The following PSTPIP1 variants were observed in gnomAD, a reference collection of about 807,000 sequenced individuals.
PSTPIP1 encodes proline-serine-threonine phosphatase-interacting protein 1.
Under a neutral mutation model 69.6 loss-of-function variants are expected in PSTPIP1, and 66 were observed. The ratio of observed to expected loss-of-function variants is 0.95; its 90% confidence interval spans 0.78 to 1.16. PSTPIP1 has a LOEUF of 1.16. Ranked by LOEUF, PSTPIP1 falls within the 50% of genes most tolerant of loss-of-function variation. The pLI is 0.00. For synonymous variants in PSTPIP1, 266 were observed against 222.7 expected (o/e 1.19, Z -1.73); for missense variants, 603 against 557.4 (o/e 1.08, Z -0.82).
chr15:77,034,759 T>A (rs2076513729), intron 12 of PSTPIP1, among the ~76,000 whole-genome samples: 2 of 152,236 alleles, frequency 1.3e-5, no homozygotes, highest in Non-Finnish European at 2.9e-5. Context: ...TTGGAGGCAG[T>A]GTCAGCCTCT....
At chr15:77,011,791 G>A (rs2075938817) in intron 1 of PSTPIP1, among the ~76,000 whole-genome samples, 1 of 152,140 alleles carries the variant, frequency 6.6e-6, no homozygotes, top group Non-Finnish European at 1.5e-5. Flanking sequence ...CCTGCTTACA[G>A]ACTGTAGTGA....
rs941971084 is a variant in PSTPIP1, at chr15:77,037,360, T to C, written c.*184T>C. 27 of 740,250 alleles carry C rather than the reference T, an allele frequency of 3.6e-5. No individual in the cohort carries two copies. Among genetic ancestry groups the C allele is most frequent in the African/African-American group, 3.4e-4 (19 of 55,694 alleles). 45.9% of individuals were successfully genotyped at this position (740,250 alleles called of 1,614,324 possible). Reference sequence around the variant, plus strand: ...TGGTGTGCTGGGGTCCCGTTCTCTTTTTCTCCTGCTCCAGTGTCCGAGTGC... The same window carrying C: ...TGGTGTGCTGGGGTCCCGTTCTCTTCTTCTCCTGCTCCAGTGTCCGAGTGC... On this transcript the variant is annotated 3_prime_UTR_variant, in exon 15 of 15. Transcript: ENST00000558012.
intron 3 of PSTPIP1, chr15:77,023,446 G>C (rs1367895680): frequency 1.3e-5 from 2 of 152,772 alleles, no homozygotes; most frequent in African/African-American, 2.4e-5. Flanking sequence ...GTGCGGCAGG[G>C]GCTGCAGCGG....
At chr15:77,025,677 C>T in intron 5 of PSTPIP1, 73 bp downstream of exon 5, 1 of 1,197,160 alleles carries the variant, frequency 8.4e-7, no homozygotes, top group South Asian at 1.4e-5. Context: ...GGGTAGGGGG[C>T]TGACCTTCCT....
At position 77,031,199 on chromosome 15, in the gene PSTPIP1, T is replaced by G. The variant is rs778618707; in HGVS notation, c.662T>G (p.Phe221Cys). The G allele has an allele frequency of 6.2e-7, 1 of 1,612,752 alleles. No individual in the cohort carries two copies. The highest frequency in any genetic ancestry group is 1.1e-5 in the South Asian group (1 of 91,076). ...TTCEAFQLQE[F>C]DRLTILRNAL... The stretch of plus-strand genomic sequence containing the variant: ...CCCCAGGCCTTTCAGCTGCAAGAGT[T>G]TGACCGGCTGACCATTCTCCGCAAC... Residue 221 changes from phenylalanine to cysteine, a missense_variant, in exon 10 of 15, where the codon TTT becomes TGT. Physicochemically the swap from Phe to Cys is radical, Grantham distance 205. Transcript: ENST00000558012.
chr15:77,015,572 T>G (rs1279458260), intron 1 of PSTPIP1, among the ~76,000 whole-genome samples: 1 of 152,082 alleles, frequency 6.6e-6, no homozygotes, highest in Non-Finnish European at 1.5e-5. Context: ...GTAGGTCCCC[T>G]GGGGGTGATG....
intron 1 of PSTPIP1, chr15:77,008,147 C>T (rs915792143): frequency 1.1e-5 from 5 of 444,444 alleles, no homozygotes; most frequent in African/African-American, 6.0e-5. Context: ...GAATACTAAA[C>T]GCAGCCAGGT....
At chr15:77,036,945 A>G in intron 14 of PSTPIP1, 100 bp from the exon 15 acceptor site, 1 of 1,499,200 alleles carries the variant, frequency 6.7e-7, no homozygotes, top group Non-Finnish European at 9.1e-7. Flanking sequence ...CCTGGGAGAC[A>G]TGCCGCATTT....
chr15:77,032,640 G>A (rs1460581448), intron 11 of PSTPIP1: 21 of 615,514 alleles, frequency 3.4e-5, no homozygotes, highest in East Asian at 3.3e-4. Context: ...GAGCTCCCAC[G>A]GCCCCCACTC....
chr15:77,005,558 G>T (rs899295417), intron 1 of PSTPIP1, among the ~76,000 whole-genome samples: 3 of 152,162 alleles, frequency 2.0e-5, no homozygotes, highest in Non-Finnish European at 4.4e-5. Flanking sequence ...TTAAGTATAT[G>T]ATTCAGAGGC....
At chr15:77,013,411 G>T (rs1423587180) in intron 1 of PSTPIP1, among the ~76,000 whole-genome samples, 2 of 152,180 alleles carry the variant, frequency 1.3e-5, no homozygotes, top group Admixed American at 1.3e-4. Flanking sequence ...CTCCATGGGG[G>T]GGTGGTGGGG....
At chr15:77,035,023 C>A (rs982529580) in intron 12 of PSTPIP1, among the ~76,000 whole-genome samples, 1 of 152,224 alleles carries the variant, frequency 6.6e-6, no homozygotes, top group Admixed American at 6.5e-5. Context: ...CAGTGGAGGC[C>A]TCAGCAGGGC....
At chr15:76,995,691 G>T (rs552848520) in intron 1 of PSTPIP1, 82 bp downstream of exon 1, 2 of 1,604,704 alleles carry the variant, frequency 1.2e-6, no homozygotes, top group Admixed American at 1.7e-5. Context: ...ATGGGATGCG[G>T]CTCCGAGAGG....
chr15:77,017,794 G>A (rs1393770403), intron 1 of PSTPIP1, among the ~76,000 whole-genome samples: 2 of 152,214 alleles, frequency 1.3e-5, no homozygotes, highest in East Asian at 1.9e-4. Flanking sequence ...GGCACTGTGA[G>A]TGAGTGAATT....
At chr15:77,026,597 G>A (rs555626407) in intron 5 of PSTPIP1, among the ~76,000 whole-genome samples, 7 of 152,294 alleles carry the variant, frequency 4.6e-5, no homozygotes, top group South Asian at 2.1e-4. Flanking sequence ...CAAGCCATGC[G>A]CCCCTCAGTC....
rs1402234874 is a variant in PSTPIP1, at chr15:77,004,457, G to A, written c.36+8848G>A. On this transcript the variant is annotated intron_variant, in intron 1 of 14. Transcript: ENST00000558012. ...GCTGTGGAAACAGGAACGGGAAACA[G>A]CCACACTGGGGAGGAAGTCAGGGGG... 2.6e-5 allele frequency among the ~76,000 whole-genome samples: 4 copies of A among 152,330 alleles called. No individual in the cohort carries two copies. The East Asian group carries it at 5.8e-4, about 22-fold the overall frequency.
chr15:77,023,483 C>G (rs981703355), intron 3 of PSTPIP1: 3 of 152,762 alleles, frequency 2.0e-5, no homozygotes, highest in Non-Finnish European at 4.4e-5. Flanking sequence ...AGGACAGTCA[C>G]GAGATTTAGG....
chr15:77,035,567 A>C lies in PSTPIP1; in HGVS notation c.985+4A>C. ...ACTTCGTTGGCAGCTTCTGCTGGTAAAGGGGGTCAGGAGGGGACCCCCAAA... is the reference window on the plus strand; with the variant it reads ...ACTTCGTTGGCAGCTTCTGCTGGTACAGGGGGTCAGGAGGGGACCCCCAAA... On this transcript the variant is annotated splice_donor_region_variant and intron_variant, in intron 13 of 14. Coordinates refer to ENST00000558012, the MANE Select transcript of PSTPIP1 (RefSeq NM_003978.5). The C allele has an allele frequency of 6.3e-7, 1 of 1,577,286 alleles. No individual in the cohort carries two copies. Among genetic ancestry groups the C allele is most frequent in the Non-Finnish European group, 8.6e-7 (1 of 1,162,040 alleles).
At position 77,037,227 on chromosome 15, in the gene PSTPIP1, G is replaced by A. The variant is rs117378779; in HGVS notation, c.*51G>A. The A allele has an allele frequency of 6.0e-3, 9,387 of 1,553,112 alleles. 203 individuals are homozygous for A. Among genetic ancestry groups the A allele is most frequent in the East Asian group, 0.059 (2,425 of 41,420 alleles). On this transcript the variant is annotated 3_prime_UTR_variant, in exon 15 of 15. Transcript: ENST00000558012. ...CTGCCCTGCCAGTGGAGCCAGCAGT[G>A]CCCCCAGCACTGTCCCCACCTTGCT...
Sources: allele counts gnomAD v4.1 joint callset (sites outside exome capture counted in the v4.1 genomes callset), GRCh38; gene constraint gnomAD v4.1.1; transcripts MANE v1.5; gene names NCBI Gene and HGNC (gene_info 2026-07-23, HGNC 2026-07-21).